Variants in ANKFN1 observed in about 807,000 individuals in gnomAD.
ANKFN1 encodes the protein ankyrin repeat and fibronectin type-III domain-containing protein 1.
A neutral mutation model predicts 108.7 loss-of-function variants in ANKFN1; 74 were observed. That is an observed-to-expected ratio of 0.68 (90% CI 0.56 to 0.83). The LOEUF is 0.83. Ranked by LOEUF, ANKFN1 falls within the 40% of genes least tolerant of loss-of-function variation. The pLI is 0.00. For synonymous variants in ANKFN1, 547 were observed against 516.2 expected, an observed-to-expected ratio of 1.06 and a Z score of -0.81; for missense variants, 1,505 against 1,382.3, an observed-to-expected ratio of 1.09 and a Z score of -1.41.
intron 3 of ANKFN1, among the ~76,000 whole-genome samples, chr17:56,239,568 G>C (rs1917425791): frequency 6.6e-6 from 1 of 152,112 alleles, no homozygotes; most frequent in South Asian, 2.1e-4. Flanking sequence ...AAAGGAATCA[G>C]AGCTGCTCTC....
intron 15 of ANKFN1, 94 bp downstream of exon 15, chr17:56,466,665 T>C (rs548482397): frequency 9.3e-7 from 1 of 1,077,802 alleles, no homozygotes; most frequent in South Asian, 1.5e-5. Context: ...CATTTACATA[T>C]GCAGTGATGG....
At chr17:56,160,220 T>C (rs532707852) in intron 1 of ANKFN1, among the ~76,000 whole-genome samples, 1 of 152,344 alleles carries the variant, frequency 6.6e-6, no homozygotes, top group East Asian at 1.9e-4. Context: ...GCAAGCTCTT[T>C]AAGAGGATGA....
intron 4 of ANKFN1, among the ~76,000 whole-genome samples, chr17:56,342,824 T>C (rs2045994157): frequency 6.6e-6 from 1 of 151,936 alleles, no homozygotes; most frequent in African/African-American, 2.4e-5. Context: ...TGTTTCAGTG[T>C]TGAGTTCAGG....
intron 4 of ANKFN1, among the ~76,000 whole-genome samples, chr17:56,115,491 A>G (rs1906213498): frequency 6.6e-6 from 1 of 152,228 alleles, no homozygotes; most frequent in Admixed American, 6.5e-5. Flanking sequence ...TAATCTATAC[A>G]GGTAAATGGA....
At chr17:56,243,974 T>C (rs1917771795) in intron 3 of ANKFN1, among the ~76,000 whole-genome samples, 1 of 152,082 alleles carries the variant, frequency 6.6e-6, no homozygotes, top group Admixed American at 6.6e-5. Context: ...CAGTTAGCCC[T>C]AGTTTAGCCA....
chr17:56,350,618 A>T, intron 4 of ANKFN1, 148 bp from the exon 5 acceptor site: 1 of 722,912 alleles, frequency 1.4e-6, no homozygotes. Context: ...TTTAAAACAT[A>T]AAAAAAGCTG....
rs1021385902 is a variant in ANKFN1 at position 56,499,052 on chromosome 17, A to C, written c.2598A>C (p.Pro866=). The C allele has an allele frequency of 1.3e-5, 20 of 1,535,712 alleles. No homozygotes were observed. In the African/African-American group the frequency reaches 2.7e-4, roughly 21 times the overall value. The stretch of plus-strand genomic sequence containing the variant: ...CATCATCACATATAGACTGTCTTCC[A>C]TCCCCACCCCCATCCCCAGAGATGC... ...STSSSHIDCL[P]SPPPSPEMHR... Residue 866 remains proline (P), a synonymous_variant, in exon 20 of 21, where the codon CCA becomes CCC. Transcript: ENST00000682825.
chr17:56,187,629 A>G (rs1190091079), intron 1 of ANKFN1, among the ~76,000 whole-genome samples: 1 of 152,208 alleles, frequency 6.6e-6, no homozygotes, highest in Admixed American at 6.5e-5. Flanking sequence ...ATAAAGACAC[A>G]TGCACATGTT....
chr17:56,470,331 A>T (rs2050274057), intron 15 of ANKFN1, among the ~76,000 whole-genome samples: 1 of 152,172 alleles, frequency 6.6e-6, no homozygotes, highest in African/African-American at 2.4e-5. Context: ...GTCAAATAGT[A>T]TTTCTGATTC....
At chr17:56,419,812 A>G (rs1344172699) in intron 8 of ANKFN1, among the ~76,000 whole-genome samples, 1 of 56,148 alleles carries the variant, frequency 1.8e-5, no homozygotes, top group African/African-American at 4.4e-4. Flanking sequence ...CCCTGTCTCA[A>G]AAAAAAAAAA....
intron 8 of ANKFN1, among the ~76,000 whole-genome samples, chr17:56,396,812 A>AT (rs1006484979): frequency 2.6e-5 from 4 of 152,066 alleles, no homozygotes; most frequent in African/African-American, 9.7e-5. Context: ...CCAGAATCAA[A>AT]TTTAATCCCA....
intron 3 of ANKFN1, chr17:56,323,342 GA>G (rs1387597431): frequency 6.6e-6 from 1 of 152,468 alleles, no homozygotes; most frequent in Non-Finnish European, 1.5e-5. Flanking sequence ...CAGAACCAGA[GA>G]AATCTTCCTA....
intron 13 of ANKFN1, 93 bp from the exon 14 acceptor site, chr17:56,457,770 G>A: frequency 6.7e-6 from 6 of 894,116 alleles, no homozygotes; most frequent in African/African-American, 1.6e-5. Context: ...AACATCAGGG[G>A]TCAGATTTCT....
At chr17:56,392,025 C>G (rs1303004477) in intron 8 of ANKFN1, among the ~76,000 whole-genome samples, 1 of 152,140 alleles carries the variant, frequency 6.6e-6, no homozygotes, top group Non-Finnish European at 1.5e-5. Context: ...CTCTGTGGAG[C>G]TTACATTTTA....
At chr17:56,384,444 C>A (rs1270769360) in intron 8 of ANKFN1, among the ~76,000 whole-genome samples, 1 of 152,198 alleles carries the variant, frequency 6.6e-6, no homozygotes, top group Non-Finnish European at 1.5e-5. Flanking sequence ...TCTCACCACT[C>A]CTATTCAACA....
In ANKFN1 at chr17:56,364,960, C is replaced by G. The variant is rs538990999; in HGVS notation, c.602-7686C>G. Among the ~76,000 whole-genome samples the G allele has an allele frequency of 1.2e-4, 18 of 152,216 alleles. No individual in the cohort carries two copies. In the East Asian group the frequency reaches 3.5e-3, roughly 29 times the overall value. On this transcript the variant is annotated intron_variant, in intron 6 of 20. Coordinates refer to ENST00000682825, the MANE Select transcript of ANKFN1 (RefSeq NM_001370326.1). ...CTAAGTGAAGCCAAAATGAGTCTTG[C>G]GTCCTGAATCTTAAGATGGATAAAT...
intron 3 of ANKFN1, among the ~76,000 whole-genome samples, chr17:56,249,778 T>C (rs953818970): frequency 6.6e-6 from 1 of 152,138 alleles, no homozygotes; most frequent in African/African-American, 2.4e-5. Context: ...TGGTAGATTG[T>C]TCAGTGCTGT....
At chr17:56,419,810 C>CAA (rs5821128) in intron 8 of ANKFN1, among the ~76,000 whole-genome samples, 12 of 102,124 alleles carry the variant, frequency 1.2e-4, no homozygotes, top group Admixed American at 3.5e-4. Context: ...GACCCTGTCT[C>CAA]AAAAAAAAAA....
At chr17:56,176,716 T>C (rs144953986) in intron 1 of ANKFN1, among the ~76,000 whole-genome samples, 5 of 152,300 alleles carry the variant, frequency 3.3e-5, no homozygotes, top group Non-Finnish European at 5.9e-5. Flanking sequence ...GTCTTGTATG[T>C]AGGAAAACAC....
Sources: allele counts gnomAD v4.1 joint callset (sites outside exome capture counted in the v4.1 genomes callset), GRCh38; gene constraint gnomAD v4.1.1; transcripts MANE v1.5; gene names NCBI Gene and HGNC (gene_info 2026-07-23, HGNC 2026-07-21).